Variants in NKAIN2 observed in about 807,000 individuals in gnomAD.
NKAIN2 encodes the protein sodium/potassium-transporting ATPase subunit beta-1-interacting protein 2.
A neutral mutation model predicts 32.6 loss-of-function variants in NKAIN2; 14 were observed. The observed-to-expected ratio is 0.43, with a 90% CI of 0.28 to 0.67. NKAIN2 has a LOEUF of 0.67. NKAIN2 is among the 30% of genes least tolerant of loss of function. The pLI is 0.17. For synonymous variants in NKAIN2, 80 were observed against 87.2 expected (o/e 0.92, Z 0.46); for missense variants, 198 against 258.3 (o/e 0.77, Z 1.60).
At chr6:124,217,802 T>TAC (rs1183578679) in intron 1 of NKAIN2, among the ~76,000 whole-genome samples, 1 of 151,788 alleles carries the variant, frequency 6.6e-6, no homozygotes, top group African/African-American at 2.4e-5. Flanking sequence ...CACACACATA[T>TAC]ACACACACAC....
chr6:124,012,334 A>T (rs1351086693), intron 1 of NKAIN2, among the ~76,000 whole-genome samples: 8 of 123,174 alleles, frequency 6.5e-5, no homozygotes, highest in East Asian at 2.4e-4. Flanking sequence ...ACTCTACATG[A>T]TTTTTTTTTT....
At chr6:124,797,784 G>A (rs1041225395) in intron 5 of NKAIN2, among the ~76,000 whole-genome samples, 22 of 151,952 alleles carry the variant, frequency 1.4e-4, no homozygotes, top group African/African-American at 4.6e-4. Context: ...GAGCACAATC[G>A]CGTACTCTCA....
intron 1 of NKAIN2, among the ~76,000 whole-genome samples, chr6:124,076,045 T>G (rs9320976): frequency 0.013 from 2,049 of 152,350 alleles, 54 homozygotes; most frequent in African/African-American, 0.045. Flanking sequence ...TCTGTGAGAT[T>G]AACATTTTAG....
chr6:124,447,690 C>A (rs549884986), intron 3 of NKAIN2, among the ~76,000 whole-genome samples: 2 of 152,116 alleles, frequency 1.3e-5, no homozygotes, highest in Non-Finnish European at 2.9e-5. Flanking sequence ...ATTCTGCTAT[C>A]CTGTAATCAT....
At chr6:124,464,854 T>C (rs988324202) in intron 3 of NKAIN2, among the ~76,000 whole-genome samples, 2 of 152,174 alleles carry the variant, frequency 1.3e-5, no homozygotes, top group African/African-American at 4.8e-5. Context: ...TATGGGCTCT[T>C]TTTGGTTCCA....
intron 1 of NKAIN2, among the ~76,000 whole-genome samples, chr6:124,281,043 A>G (rs1003817033): frequency 6.6e-6 from 1 of 152,114 alleles, no homozygotes; most frequent in Admixed American, 6.6e-5. Flanking sequence ...TATCATCTCT[A>G]TATTTTTTAT....
At chr6:124,793,035 G>A (rs1204735682) in intron 5 of NKAIN2, among the ~76,000 whole-genome samples, 4 of 152,196 alleles carry the variant, frequency 2.6e-5, no homozygotes, top group Admixed American at 2.6e-4. Flanking sequence ...AACTAGTTAA[G>A]ACACCATGAA....
chr6:124,302,996 A>T (rs929481381), intron 2 of NKAIN2, among the ~76,000 whole-genome samples: 2 of 152,194 alleles, frequency 1.3e-5, no homozygotes, highest in African/African-American at 4.8e-5. Flanking sequence ...TGGACCTTTT[A>T]TGTAGACATA....
chr6:124,349,693 A>G (rs975242162), intron 2 of NKAIN2, among the ~76,000 whole-genome samples: 2 of 152,144 alleles, frequency 1.3e-5, no homozygotes, highest in African/African-American at 4.8e-5. Flanking sequence ...TACCTTTCTA[A>G]TTATTGTATA....
At chr6:124,565,799 G>A (rs12204694) in intron 3 of NKAIN2, among the ~76,000 whole-genome samples, 5 of 152,162 alleles carry the variant, frequency 3.3e-5, no homozygotes, top group African/African-American at 4.8e-5. Flanking sequence ...TAGAAGCTTC[G>A]ATCCAAGGGA....
At chr6:123,930,395 A>G (rs866015585) in intron 1 of NKAIN2, among the ~76,000 whole-genome samples, 2 of 152,246 alleles carry the variant, frequency 1.3e-5, no homozygotes, top group African/African-American at 4.8e-5. Flanking sequence ...TAACAGTAGC[A>G]TTGGTGATAG....
Position 124,435,481 on chromosome 6 carries a change from C to T in NKAIN2, c.273+80134C>T, listed in dbSNP as rs542721195. Among the ~76,000 whole-genome samples, 23 of 152,212 alleles carry T rather than the reference C, an allele frequency of 1.5e-4. 1 individual carries two copies. In the South Asian group the frequency reaches 1.7e-3, roughly 11 times the overall value. ...AATGCTGTATATGTATTAAATCTTT[C>T]GATTCTCACAACAATCCTATGATGC... On this transcript the variant is annotated intron_variant, in intron 3 of 6. Coordinates refer to ENST00000368417, the MANE Select transcript of NKAIN2 (RefSeq NM_001040214.3).
At chr6:124,565,779 G>A (rs1486931265) in intron 3 of NKAIN2, among the ~76,000 whole-genome samples, 2 of 152,156 alleles carry the variant, frequency 1.3e-5, no homozygotes, top group African/African-American at 4.8e-5. Context: ...GGATTTCTAT[G>A]CAAGGGTCTT....
chr6:124,701,268 T>A (rs1255225458), intron 4 of NKAIN2, among the ~76,000 whole-genome samples: 5 of 152,046 alleles, frequency 3.3e-5, no homozygotes, highest in African/African-American at 1.2e-4. Context: ...TTATTTCTGT[T>A]GTAATACTAT....
At chr6:124,619,725 A>G (rs1403008009) in intron 3 of NKAIN2, among the ~76,000 whole-genome samples, 1 of 152,182 alleles carries the variant, frequency 6.6e-6, no homozygotes, top group African/African-American at 2.4e-5. Flanking sequence ...CTTGCCATAT[A>G]AAAATAATTA....
rs564556791 is a variant in NKAIN2 at position 124,702,467 on chromosome 6, T to C, written c.474+44081T>C. Among the ~76,000 whole-genome samples the C allele has an allele frequency of 3.9e-5, 6 of 152,252 alleles. No homozygotes were observed. The South Asian group carries it at 1.2e-3, about 31-fold the overall frequency. On this transcript the variant is annotated intron_variant, in intron 4 of 6. Coordinates refer to ENST00000368417, the MANE Select transcript of NKAIN2 (RefSeq NM_001040214.3). Reference sequence around the variant, plus strand: ...GCTGAGATGAACAGCCAGCAAATTCTTGCCAACACGGTTTTCATTTTCTTT... The same window carrying C: ...GCTGAGATGAACAGCCAGCAAATTCCTGCCAACACGGTTTTCATTTTCTTT...
chr6:124,599,230 A>T (rs1411339934), intron 3 of NKAIN2, among the ~76,000 whole-genome samples: 2 of 152,012 alleles, frequency 1.3e-5, no homozygotes, highest in Admixed American at 1.3e-4. Flanking sequence ...TGTAGATAAT[A>T]CTGAAAAATA....
intron 3 of NKAIN2, among the ~76,000 whole-genome samples, chr6:124,479,732 C>T (rs1025135195): frequency 5.9e-5 from 9 of 151,784 alleles, no homozygotes; most frequent in East Asian, 1.9e-4. Context: ...AGCCTATAGT[C>T]GCATACAACT....
intron 1 of NKAIN2, among the ~76,000 whole-genome samples, chr6:124,089,341 A>G (rs1784323438): frequency 6.6e-6 from 1 of 151,690 alleles, no homozygotes; most frequent in African/African-American, 2.4e-5. Context: ...TTTAGCATCT[A>G]GTTGCTAAGT....
Sources: allele counts gnomAD v4.1 joint callset (sites outside exome capture counted in the v4.1 genomes callset), GRCh38; gene constraint gnomAD v4.1.1; transcripts MANE v1.5; gene names NCBI Gene and HGNC (gene_info 2026-07-23, HGNC 2026-07-21).